PUDP: variants seen among roughly 807,000 people sequenced by gnomAD.
PUDP encodes pseudouridine 5'-phosphatase, also known as pseudouridine-5'-phosphatase.
A neutral mutation model predicts 9.4 loss-of-function variants in PUDP; 8 were observed. The ratio of observed to expected loss-of-function variants is 0.85; its 90% confidence interval spans 0.50 to 1.53. The LOEUF is 1.53. PUDP is among the 40% of genes most tolerant of loss of function. The pLI is 0.00. For synonymous variants in PUDP, 99 were observed against 80.7 expected (o/e 1.23, Z -1.22); for missense variants, 188 against 189.7 (o/e 0.99, Z 0.05).
chrX:7,093,273 C>T (rs1363103533), intron 2 of PUDP, among the ~76,000 whole-genome samples: 1 of 111,519 alleles, frequency 9.0e-6, no homozygotes, highest in Non-Finnish European at 1.9e-5. Flanking sequence ...GGCAGGGAAC[C>T]GAAAGCTGAT....
intron 3 of PUDP, among the ~76,000 whole-genome samples, chrX:6,884,620 A>G (rs1177112995): frequency 1.8e-5 from 2 of 111,813 alleles, no homozygotes; most frequent in African/African-American, 6.5e-5. Context: ...GCAACATGAG[A>G]GACCTGCCCT....
intron 3 of PUDP, among the ~76,000 whole-genome samples, chrX:7,076,616 C>T (rs1395473975): frequency 9.0e-6 from 1 of 111,714 alleles, no homozygotes; most frequent in East Asian, 2.8e-4. Context: ...GAGCCAGGGG[C>T]CGTCTCCACT....
At chrX:7,075,532 G>A (rs868100098) in intron 3 of PUDP, among the ~76,000 whole-genome samples, 1 of 96,809 alleles carries the variant, frequency 1.0e-5, no homozygotes, top group Admixed American at 1.0e-4. Context: ...AAACAAACAA[G>A]ACTGGAACTT....
chrX:7,135,809 T>G (rs1932728154), intron 1 of PUDP, among the ~76,000 whole-genome samples: 1 of 111,293 alleles, frequency 9.0e-6, no homozygotes. Context: ...ACCCTATACC[T>G]GCACGCAACA....
chrX:6,977,963 A>G (rs1038467380), intron 2 of PUDP, among the ~76,000 whole-genome samples: 1 of 112,298 alleles, frequency 8.9e-6, no homozygotes, highest in Non-Finnish European at 1.9e-5. Context: ...TTGCAAAACA[A>G]GTCCTTCACA....
At chrX:6,791,960 G>A (rs377377244) in intron 3 of PUDP, among the ~76,000 whole-genome samples, 3 of 111,695 alleles carry the variant, frequency 2.7e-5, no homozygotes, top group East Asian at 5.6e-4. Context: ...ATTTGAGTGG[G>A]AGTGGGACTC....
At chrX:6,865,212 G>A (rs995937983) in intron 3 of PUDP, among the ~76,000 whole-genome samples, 21 of 111,725 alleles carry the variant, frequency 1.9e-4, no homozygotes, top group Middle Eastern at 8.5e-3. Flanking sequence ...TTAGGGCTAG[G>A]GTTAGGGTTA....
chrX:7,039,817 ACTTTAT>A (rs1047217715), intron 1 of PUDP, among the ~76,000 whole-genome samples: 12 of 112,338 alleles, frequency 1.1e-4, no homozygotes, highest in African/African-American at 2.6e-4. Flanking sequence ...TGAGTTCAAA[ACTTTAT>A]CTTTATAGGT....
chrX:6,954,484 C>A (rs1187638946), intron 3 of PUDP, among the ~76,000 whole-genome samples: 3 of 111,234 alleles, frequency 2.7e-5, no homozygotes, highest in Non-Finnish European at 5.7e-5. Flanking sequence ...TGGTCACTCT[C>A]ATATAGATGG....
intron 3 of PUDP, among the ~76,000 whole-genome samples, chrX:6,796,061 T>C (rs1193688208): frequency 8.9e-6 from 1 of 112,016 alleles, no homozygotes; most frequent in Non-Finnish European, 1.9e-5. Context: ...TGAATTGTCT[T>C]GGCCATGTGA....
At chrX:6,766,100 TA>T (rs1168981086) in intron 3 of PUDP, among the ~76,000 whole-genome samples, 4 of 107,288 alleles carry the variant, frequency 3.7e-5, no homozygotes, top group East Asian at 2.9e-4. Flanking sequence ...TTCAGATGCT[TA>T]AAAAAAAAAC....
intron 1 of PUDP, among the ~76,000 whole-genome samples, chrX:7,139,112 T>G (rs747943205): frequency 8.9e-6 from 1 of 112,203 alleles, no homozygotes; most frequent in South Asian, 3.7e-4. Context: ...ATTCTTATTG[T>G]GTATATCATT....
intron 1 of PUDP, among the ~76,000 whole-genome samples, chrX:7,138,916 G>A (rs187208156): frequency 0.013 from 1,067 of 84,318 alleles, 6 homozygotes; most frequent in Non-Finnish European, 0.019. Flanking sequence ...TTTTAATACA[G>A]TCTTTGCTTG....
At chrX:6,956,851 G>A (rs1418938504) in intron 3 of PUDP, among the ~76,000 whole-genome samples, 2 of 110,997 alleles carry the variant, frequency 1.8e-5, no homozygotes, top group African/African-American at 6.6e-5. Context: ...TCACTTCCTG[G>A]TGAGTTATGT....
At chrX:6,920,253 A>G (rs1318435020) in intron 3 of PUDP, among the ~76,000 whole-genome samples, 2 of 110,850 alleles carry the variant, frequency 1.8e-5, no homozygotes, top group African/African-American at 6.6e-5. Context: ...GCCCTTGGTC[A>G]TTGGTCATCA....
intron 1 of PUDP, among the ~76,000 whole-genome samples, chrX:7,032,354 T>G (rs759021694): frequency 1.3e-4 from 15 of 111,871 alleles, no homozygotes; most frequent in Non-Finnish European, 2.3e-4. Flanking sequence ...CAATTCCACT[T>G]ATAGATATAC....
chrX:7,081,225 T>C (rs138540840), intron 2 of PUDP, among the ~76,000 whole-genome samples: 205 of 111,726 alleles, frequency 1.8e-3, no homozygotes, highest in Middle Eastern at 0.014. Flanking sequence ...AGTCAAACAA[T>C]CATAGCAGCC....
chrX:7,081,454 A>G (rs2146871586), intron 2 of PUDP, among the ~76,000 whole-genome samples: 1 of 112,490 alleles, frequency 8.9e-6, no homozygotes, highest in Admixed American at 9.4e-5. Flanking sequence ...TACCCGGCCG[A>G]TTATTTTATT....
chrX:6,900,554 A>T (rs1927665351), intron 3 of PUDP, among the ~76,000 whole-genome samples: 1 of 108,239 alleles, frequency 9.2e-6, no homozygotes, highest in Non-Finnish European at 1.9e-5. Context: ...AGAGGGAGAG[A>T]GGGAGAGAAG....
Sources: gnomAD v4.1 joint callset for allele counts (sites outside exome capture counted in the v4.1 genomes callset) on GRCh38, gnomAD v4.1.1 for gene constraint, MANE v1.5 for transcripts, NCBI Gene and HGNC (gene_info 2026-07-23, HGNC 2026-07-21) for gene names.